Variants in PANK2 observed in about 807,000 individuals in gnomAD.
PANK2 encodes pantothenate kinase 2, also known as pantothenate kinase 2, mitochondrial.
PANK2 carries 36 observed loss-of-function variants against 43.1 expected under a neutral mutation model. That is an observed-to-expected ratio of 0.84 (90% CI 0.64 to 1.10). The LOEUF (loss-of-function observed/expected upper bound fraction) is 1.10. PANK2 is among the 50% of genes least tolerant of loss of function. PANK2 has a pLI of 0.00. For missense variants in PANK2, 576 were observed against 593.3 expected (o/e 0.97, Z 0.30); for synonymous variants, 281 against 238.2 (o/e 1.18, Z -1.66).
At chr20:3,893,464 G>A (rs776447250) in intron 1 of PANK2, among the ~76,000 whole-genome samples, 2 of 152,160 alleles carry the variant, frequency 1.3e-5, no homozygotes, top group Non-Finnish European at 2.9e-5. Context: ...CATGTAACAA[G>A]AGAACATACA....
rs1193865095 is a variant in PANK2, at chr20:3,918,741, A to G, written c.1277A>G (p.Tyr426Cys). 6.2e-7 allele frequency: 1 copy of G among 1,614,246 alleles called. No individual in the cohort carries two copies. The highest frequency in any genetic ancestry group is 2.2e-5 in the East Asian group (1 of 44,882). Residue 426 changes from tyrosine (Y) to cysteine (C), a missense_variant, in exon 6 of 7, where the codon TAT becomes TGT. Physicochemically the swap from Tyr to Cys is radical, Grantham distance 194. Around this residue, in one of 2 missense-constraint regions of PANK2, gnomAD observed 32 missense variants for 64.3 expected, o/e 0.50. Coordinates refer to ENST00000610179, the MANE Select transcript of PANK2 (RefSeq NM_001386393.1). ...ACGATCGCCATGCGGCTTTTGGCAT[A>G]TGCTTTGGATTATTGGTCCAAGGGG... is the stretch of plus-strand genomic sequence containing the variant.
chr20:3,895,484 G>GTTTTTT (rs10630574), intron 1 of PANK2, among the ~76,000 whole-genome samples: 1 of 132,952 alleles, frequency 7.5e-6, no homozygotes, highest in Admixed American at 7.9e-5. Context: ...CCCTGTCTCC[G>GTTTTTT]TTTTTTTTTT....
intron 1 of PANK2, among the ~76,000 whole-genome samples, chr20:3,900,968 C>T (rs1249803576): frequency 6.6e-6 from 1 of 151,696 alleles, no homozygotes; most frequent in Non-Finnish European, 1.5e-5. Context: ...GGGGGTTTCA[C>T]GATGTTGGCC....
rs975430864 is a variant in PANK2, at chr20:3,925,957, A to G, written c.*2663A>G. 6.6e-6 allele frequency: 1 copy of G among 152,272 alleles called. No individual in the cohort carries two copies. The highest frequency in any genetic ancestry group is 1.5e-5 in the Non-Finnish European group (1 of 68,080). 9.4% of individuals were successfully genotyped at this position (152,272 alleles called of 1,614,324 possible). On this transcript the variant is annotated 3_prime_UTR_variant, in exon 7 of 7. Coordinates refer to ENST00000610179, the MANE Select transcript of PANK2 (RefSeq NM_001386393.1). Reference sequence around the variant, plus strand: ...CCCTGTCTTAGCAGCTGTCCCTTTCAGTCTGCCCTCCACTAGTGGCCATGA... The same window carrying G: ...CCCTGTCTTAGCAGCTGTCCCTTTCGGTCTGCCCTCCACTAGTGGCCATGA...
At chr20:3,901,886 A>T (rs112519075) in intron 1 of PANK2, among the ~76,000 whole-genome samples, 125 of 152,132 alleles carry the variant, frequency 8.2e-4, no homozygotes, top group African/African-American at 2.9e-3. Context: ...CTTTGAAGCC[A>T]GTGCTCCGTT....
intron 1 of PANK2, among the ~76,000 whole-genome samples, chr20:3,896,635 AC>A (rs2090213876): frequency 6.6e-6 from 1 of 152,018 alleles, no homozygotes; most frequent in African/African-American, 2.4e-5. Flanking sequence ...TAAGTTGATC[AC>A]CAGTGGACAG....
intron 1 of PANK2, 38 bp downstream of exon 1, chr20:3,889,766 CCCCCCCTTCCGG>C: frequency 6.3e-7 from 1 of 1,575,428 alleles, no homozygotes; most frequent in Non-Finnish European, 8.6e-7. Flanking sequence ...GCCCGCCCTG[CCCCCCCTTCCGG>C]CCCACCCTGT....
chr20:3,899,299 G>A (rs2090261177), intron 1 of PANK2, among the ~76,000 whole-genome samples: 1 of 151,376 alleles, frequency 6.6e-6, no homozygotes, highest in South Asian at 2.1e-4. Context: ...AGGCTCCCAA[G>A]TAGCTGGGAT....
At position 3,905,017 on chromosome 20, in the gene PANK2, A is replaced by G. The variant is rs376887971; in HGVS notation, c.299-2909A>G. Among the ~76,000 whole-genome samples the G allele has an allele frequency of 1.3e-4, 20 of 152,330 alleles. 1 individual carries two copies. In the East Asian group the frequency reaches 2.9e-3, roughly 22 times the overall value. ...TTATTTCTTCTGGGTAATAGCAGCC[A>G]CCTGAGTGCCATCCTGATTCTGGGG... On this transcript the variant is annotated intron_variant, in intron 1 of 6. Transcript: ENST00000610179.
chr20:3,907,982 G>C lies in PANK2; in HGVS notation c.355G>C (p.Glu119Gln). 6.2e-7 allele frequency: 1 copy of C among 1,614,090 alleles called. No individual in the cohort carries two copies. Among genetic ancestry groups the C allele is most frequent in the Non-Finnish European group, 8.5e-7 (1 of 1,180,020 alleles). Residue 119 changes from glutamate to glutamine, a missense_variant, in exon 2 of 7, where the codon GAA becomes CAA. Around this residue, in one of 2 missense-constraint regions of PANK2, gnomAD observed 544 missense variants for 528.9 expected, o/e 1.03. Transcript: ENST00000610179. ...AACTCTGGTCAAGCTGGTATATTTT[G>C]AACCCAAAGACATCACTGCTGAAGA...
intron 1 of PANK2, among the ~76,000 whole-genome samples, chr20:3,892,477 A>T (rs1282964900): frequency 1.3e-5 from 2 of 151,944 alleles, no homozygotes; most frequent in African/African-American, 4.8e-5. Context: ...TGGGTATGGA[A>T]TGGTGCCACC....
intron 1 of PANK2, among the ~76,000 whole-genome samples, chr20:3,896,250 T>TTTTTTTTTTG (rs1164849334): frequency 9.0e-6 from 1 of 110,606 alleles, no homozygotes; most frequent in African/African-American, 3.2e-5. Context: ...TTTTTTTTTT[T>TTTTTTTTTTG]TGTATTTTTA....
chr20:3,899,242 G>T (rs2090260096), intron 1 of PANK2, among the ~76,000 whole-genome samples: 1 of 150,278 alleles, frequency 6.7e-6, no homozygotes, highest in East Asian at 1.9e-4. Context: ...TGTAGTGTAG[G>T]CTCACTGCAA....
chr20:3,914,910 C>T (rs114206221), intron 4 of PANK2, among the ~76,000 whole-genome samples: 1,790 of 152,150 alleles, frequency 0.012, 33 homozygotes, highest in African/African-American at 0.04. Flanking sequence ...GTGCCCAGCC[C>T]GAACATCTTT....
At chr20:3,918,362 G>T (rs1171947143) in intron 5 of PANK2, among the ~76,000 whole-genome samples, 2 of 150,956 alleles carry the variant, frequency 1.3e-5, no homozygotes, top group African/African-American at 4.9e-5. Flanking sequence ...GAGTCATACT[G>T]TTTTTTTTTG....
intron 4 of PANK2, among the ~76,000 whole-genome samples, chr20:3,913,997 G>T (rs1178946160): frequency 4.6e-5 from 7 of 151,440 alleles, no homozygotes; most frequent in Non-Finnish European, 8.8e-5. Context: ...CACTATGTTG[G>T]CCAGGATGGT....
chr20:3,903,880 G>C (rs983593013), intron 1 of PANK2, among the ~76,000 whole-genome samples: 11 of 152,006 alleles, frequency 7.2e-5, no homozygotes, highest in Admixed American at 1.3e-4. Context: ...GGCCGCTTCA[G>C]CCTCCCAAAG....
At position 3,910,295 on chromosome 20, in the gene PANK2, GT is replaced by G. The variant is rs11441747; in HGVS notation, c.652-270del. ...TGTTTGAAGGTTGATAAATGCTGTG[GT>G]TTTTTTTTTTTGTTTTTTTTGTTTT... is the stretch of plus-strand genomic sequence containing the variant. On this transcript the variant is annotated intron_variant, in intron 2 of 6. Transcript: ENST00000610179. Among the ~76,000 whole-genome samples the G allele has an allele frequency of 6.2e-3, 896 of 143,916 alleles. 8 individuals carry two copies. The highest frequency in any genetic ancestry group is 0.021 in the African/African-American group (804 of 38,872). The allele number at this position is 143,916 out of a possible 152,430, so 94.4% of individuals were successfully genotyped here. A position where few individuals can be genotyped will look rare whatever the true frequency, so the allele number is the denominator to read the frequency against.
chr20:3,917,013 A>T lies in PANK2; in HGVS notation c.1169A>T (p.Asn390Ile), dbSNP rs759332123. The stretch of plus-strand genomic sequence containing the variant: ...GCGACTTTGATCACCATCACCAACA[A>T]CATTGGCTCAATAGCAAGAATGTGT... The change falls in exon 5 of 7, where the codon AAC becomes ATC. Residue 390 changes from asparagine (N) to isoleucine (I), a missense_variant. Physicochemically the swap from Asn to Ile is moderately radical, Grantham distance 149 (BLOSUM62 -3). Coordinates refer to ENST00000610179, the MANE Select transcript of PANK2 (RefSeq NM_001386393.1). The T allele has an allele frequency of 6.2e-7, 1 of 1,614,118 alleles. No homozygotes were observed. Among genetic ancestry groups the T allele is most frequent in the East Asian group, 2.2e-5 (1 of 44,872 alleles).
Sources: gnomAD v4.1 joint callset for allele counts (sites outside exome capture counted in the v4.1 genomes callset) on GRCh38, gnomAD v4.1.1 for gene constraint, gnomAD v4.1.1 regional missense constraint, MANE v1.5 for transcripts, NCBI Gene and HGNC (gene_info 2026-07-23, HGNC 2026-07-21) for gene names.